PPP2R1B: variants seen among roughly 807,000 people sequenced by gnomAD.
PPP2R1B encodes the protein protein phosphatase 2 scaffold subunit Abeta.
A neutral mutation model predicts 72.7 loss-of-function variants in PPP2R1B; 58 were observed. The observed-to-expected ratio is 0.80, with a 90% CI of 0.65 to 0.99. The LOEUF is 0.99. Ranked by LOEUF, PPP2R1B falls within the 50% of genes least tolerant of loss-of-function variation. PPP2R1B has a pLI of 0.00. For synonymous variants in PPP2R1B, 256 were observed against 264.6 expected, an observed-to-expected ratio of 0.97 and a Z score of 0.32; for missense variants, 695 against 733.6, an observed-to-expected ratio of 0.95 and a Z score of 0.61.
intron 13 of PPP2R1B, 174 bp from the exon 14 acceptor site, chr11:111,742,318 A>ATGATACGCC: frequency 1.6e-6 from 1 of 616,866 alleles, no homozygotes; most frequent in Admixed American, 4.0e-5. Context: ...AATCAGCTTC[A>ATGATACGCC]GACAAGGATC....
At chr11:111,701,512 C>G in the PPP2R1B span, 1 of 1,613,948 alleles carries the variant, frequency 6.2e-7, no homozygotes, top group South Asian at 1.1e-5. This position sits in a 1 kb window ranked among gnomAD's most constrained non-coding sequence, Gnocchi z 4.2. Flanking sequence ...TGGACCGACT[C>G]TTCCAATTTT....
At chr11:111,733,393 A>G (rs1944252469), downstream of PPP2R1B, among the ~76,000 whole-genome samples, 1 of 152,140 alleles carries the variant, frequency 6.6e-6, no homozygotes, top group Non-Finnish European at 1.5e-5. Context: ...CGAGCCCCCA[A>G]AAGCTGGATA....
At position 111,742,079 on chromosome 11, in the gene PPP2R1B, T is replaced by C. The variant is rs751689254; in HGVS notation, c.1763A>G (p.Lys588Arg). ...ACTTATAGCTTCCTGTGCAAAGTAT[T>C]TGACATCCATGTCTTCATCTTGACC... The part of the protein sequence containing the change: ...KLGQDEDMDV[K>R]YFAQEAISVL... Residue 588 changes from lysine to arginine, a missense_variant, in exon 14 of 15, where the codon AAA becomes AGA. Coordinates refer to ENST00000527614, the MANE Select transcript of PPP2R1B (RefSeq NM_002716.5). The C allele has an allele frequency of 1.7e-5, 28 of 1,613,750 alleles. No homozygotes were observed. The highest frequency in any genetic ancestry group is 1.2e-4 in the African/African-American group (9 of 74,940).
At chr11:111,729,052 G>A (rs1261356495) in intron 15 of PPP2R1B, 2 of 152,254 alleles carry the variant, frequency 1.3e-5, no homozygotes, top group Admixed American at 6.5e-5. Flanking sequence ...CACCTGTAAT[G>A]TCAGAGCCCT....
intron 15 of PPP2R1B, chr11:111,730,515 G>A (rs1442789674): frequency 1.3e-5 from 2 of 152,154 alleles, no homozygotes; most frequent in East Asian, 1.9e-4. Context: ...AAGGGAGGTG[G>A]GTGGTTTTGC....
chr11:111,755,958 C>A (rs1945098928), intron 5 of PPP2R1B, among the ~76,000 whole-genome samples: 1 of 151,560 alleles, frequency 6.6e-6, no homozygotes, highest in African/African-American at 2.4e-5. Context: ...TCTGTAATAC[C>A]AGCACTCTGG....
chr11:111,735,792 T>C (rs1310527440), downstream of PPP2R1B, among the ~76,000 whole-genome samples: 2 of 152,166 alleles, frequency 1.3e-5, no homozygotes, highest in East Asian at 3.9e-4. Context: ...TTCGGACAGA[T>C]TGGCAAGTCC....
At chr11:111,765,751 T>A (rs1945504990) in intron 1 of PPP2R1B, 1 of 479,894 alleles carries the variant, frequency 2.1e-6, no homozygotes, top group Non-Finnish European at 4.1e-6. Context: ...ACAGAGCGGA[T>A]ACACTACTCG....
downstream of PPP2R1B, among the ~76,000 whole-genome samples, chr11:111,722,499 G>A (rs899285756): frequency 6.6e-6 from 1 of 152,246 alleles, no homozygotes; most frequent in African/African-American, 2.4e-5. This position sits in a 1 kb window ranked among gnomAD's most constrained non-coding sequence, Gnocchi z 4.4. Context: ...CAGGCCTGCG[G>A]GCCCGATGCT....
chr11:111,710,142 A>G, the PPP2R1B span, among the ~76,000 whole-genome samples: 11 of 152,218 alleles, frequency 7.2e-5, no homozygotes. Context: ...TAGCAAATAT[A>G]CTTTAGTGGG....
Position 111,741,361 on chromosome 11 carries a change from A to G in PPP2R1B, c.*235T>C. 7.4e-7 allele frequency: 1 copy of G among 1,354,366 alleles called. No homozygotes were observed. The highest frequency in any genetic ancestry group is 9.5e-7 in the Non-Finnish European group (1 of 1,055,156). 83.9% of individuals were successfully genotyped at this position (1,354,366 alleles called of 1,614,324 possible). On this transcript the variant is annotated 3_prime_UTR_variant, in exon 15 of 15. Transcript: ENST00000527614. ...AAGCATTAGGAGACAATCAAGTGTC[A>G]GGAATTGGTCAATAAGAACGGCTTA...
chr11:111,715,888 G>A, the PPP2R1B span, among the ~76,000 whole-genome samples: 6 of 122,428 alleles, frequency 4.9e-5, no homozygotes, highest in South Asian at 2.9e-4. Flanking sequence ...TGCAACCTCC[G>A]CCCCCCGGGT....
downstream of PPP2R1B, chr11:111,723,428 G>A: frequency 6.7e-7 from 1 of 1,481,746 alleles, no homozygotes; most frequent in East Asian, 2.3e-5. Flanking sequence ...GACTGGTATT[G>A]CATTTACATT....
intron 3 of PPP2R1B, among the ~76,000 whole-genome samples, chr11:111,761,463 G>A (rs1183651956): frequency 6.6e-6 from 1 of 152,190 alleles, no homozygotes; most frequent in Non-Finnish European, 1.5e-5. Flanking sequence ...ATAACAGCTT[G>A]TCAGGTCACT....
chr11:111,696,713 T>C, the PPP2R1B span, among the ~76,000 whole-genome samples: 7 of 152,214 alleles, frequency 4.6e-5, no homozygotes, highest in Admixed American at 2.0e-4. Flanking sequence ...TGGAGTCTTA[T>C]TATTTTGTGT....
At chr11:111,700,965 A>G in the PPP2R1B span, 11 of 1,613,954 alleles carry the variant, frequency 6.8e-6, no homozygotes, top group East Asian at 2.2e-4. Context: ...CAGCCCCAGA[A>G]GTCTTTGAAG....
chr11:111,707,888 T>G, the PPP2R1B span, among the ~76,000 whole-genome samples: 1 of 152,174 alleles, frequency 6.6e-6, no homozygotes, highest in Admixed American at 6.6e-5. Flanking sequence ...GTCTCTGAGT[T>G]CCTGTGCCCT....
chr11:111,739,873 A>C lies in PPP2R1B; in HGVS notation c.*1723T>G. The C allele has an allele frequency of 1.0e-6, 1 of 980,372 alleles. No homozygotes were observed. Among genetic ancestry groups the C allele is most frequent in the African/African-American group, 1.7e-5 (1 of 57,228 alleles). The allele number at this position is 980,372 out of a possible 1,614,324, so 60.7% of individuals were successfully genotyped here. A position where few individuals can be genotyped will look rare whatever the true frequency, so the allele number is the denominator to read the frequency against. Reference sequence around the variant, plus strand: ...GGAAAATACTTAATTCTTGGCCCAAAGTCATAAAATAGAAACTTACTATAA... The same window carrying C: ...GGAAAATACTTAATTCTTGGCCCAACGTCATAAAATAGAAACTTACTATAA... On this transcript the variant is annotated 3_prime_UTR_variant, in exon 15 of 15. Transcript: ENST00000527614.
the PPP2R1B span, among the ~76,000 whole-genome samples, chr11:111,715,616 C>A: frequency 1.8e-4 from 27 of 152,048 alleles, no homozygotes; most frequent in Non-Finnish European, 5.9e-5. Context: ...TTGCCCAACT[C>A]TAGATAAGAA....
Sources: gnomAD v4.1 joint callset for allele counts (sites outside exome capture counted in the v4.1 genomes callset) on GRCh38, gnomAD v4.1.1 for gene constraint, Gnocchi (gnomAD v3.1) non-coding constraint, MANE v1.5 for transcripts, NCBI Gene and HGNC (gene_info 2026-07-23, HGNC 2026-07-21) for gene names.